NUP98: variants seen among roughly 807,000 people sequenced by gnomAD.
NUP98 encodes the protein nucleoporin 98 and 96 precursor, also known as nuclear pore complex protein Nup98-Nup96.
Under a neutral mutation model 191.9 loss-of-function variants are expected in NUP98, and 26 were observed. That is an observed-to-expected ratio of 0.14 (90% CI 0.10 to 0.19). The LOEUF is 0.19. Among genes scored for constraint, NUP98 ranks in the 10% least tolerant of loss-of-function variants. NUP98 has a pLI of 1.00. For synonymous variants in NUP98, 808 were observed against 778.4 expected, an observed-to-expected ratio of 1.04 and a Z score of -0.63; for missense variants, 1,941 against 2,178.8, an observed-to-expected ratio of 0.89 and a Z score of 2.17.
intron 25 of NUP98, among the ~76,000 whole-genome samples, chr11:3,698,047 T>A (rs1033941769): frequency 2.6e-5 from 4 of 152,080 alleles, no homozygotes; most frequent in Non-Finnish European, 5.9e-5. Context: ...TTTATAGTTT[T>A]AAAAAAAGTC....
At chr11:3,679,325 G>C (rs976911959) in intron 31 of NUP98, 5 of 627,372 alleles carry the variant, frequency 8.0e-6, no homozygotes, top group Admixed American at 2.1e-5. Flanking sequence ...CAAGCCTCAG[G>C]AATGTCTATT....
chr11:3,750,997 A>G (rs1589875777), intron 11 of NUP98, among the ~76,000 whole-genome samples: 3 of 152,142 alleles, frequency 2.0e-5, no homozygotes, highest in South Asian at 4.1e-4. Flanking sequence ...TATATTAATT[A>G]TAACCAACTA....
intron 1 of NUP98, among the ~76,000 whole-genome samples, chr11:3,796,890 T>C (rs2082642727): frequency 6.6e-6 from 1 of 152,368 alleles, no homozygotes; most frequent in African/African-American, 2.4e-5. Context: ...AAAGAACCTT[T>C]TGCTCCACCG....
chr11:3,693,811 C>T (rs189455044), intron 26 of NUP98, among the ~76,000 whole-genome samples: 1 of 152,252 alleles, frequency 6.6e-6, no homozygotes, highest in East Asian at 1.9e-4. Flanking sequence ...TAAGTGCTGA[C>T]CAGCTACATT....
At chr11:3,722,998 A>AG (rs904745140) in intron 16 of NUP98, among the ~76,000 whole-genome samples, 159 bp downstream of exon 16, 1 of 152,174 alleles carries the variant, frequency 6.6e-6, no homozygotes, top group Non-Finnish European at 1.5e-5. Context: ...AATCAACTAA[A>AG]GCATAAAACT....
intron 27 of NUP98, among the ~76,000 whole-genome samples, chr11:3,692,702 A>G (rs1040907601): frequency 1.3e-5 from 2 of 152,238 alleles, no homozygotes; most frequent in Non-Finnish European, 2.9e-5. Flanking sequence ...TAAAGATTTC[A>G]GGTAGCTATC....
At chr11:3,707,831 T>G (rs988583364) in intron 20 of NUP98, among the ~76,000 whole-genome samples, 3 of 150,114 alleles carry the variant, frequency 2.0e-5, no homozygotes, top group African/African-American at 7.4e-5. Flanking sequence ...CTGGTCATGG[T>G]GGCTCACACC....
At chr11:3,705,507 C>T in intron 21 of NUP98, 151 bp from the exon 22 acceptor site, 1 of 695,706 alleles carries the variant, frequency 1.4e-6, no homozygotes, top group Non-Finnish European at 2.4e-6. Flanking sequence ...GACCCCATTA[C>T]ACTGTGTGTG....
rs181043777 is a variant in NUP98, at chr11:3,785,418, T to A, written c.-28-3273A>T. On this transcript the variant is annotated intron_variant, in intron 1 of 32. Coordinates refer to ENST00000324932, the MANE Select transcript of NUP98 (RefSeq NM_016320.5). ...TTCCTGTGGGTTTTCAGTTTGTGAC[T>A]ACTGACATAATCAGAGAAAGAACAT... 3.2e-3 allele frequency among the ~76,000 whole-genome samples: 489 copies of A among 152,272 alleles called. 2 individuals carry two copies. The highest frequency in any genetic ancestry group is 0.011 in the African/African-American group (461 of 41,552).
chr11:3,710,005 A>G (rs574754173), intron 20 of NUP98, among the ~76,000 whole-genome samples: 10 of 136,950 alleles, frequency 7.3e-5, no homozygotes, highest in African/African-American at 2.2e-4. Context: ...TTACAAAAAA[A>G]AAAAAAAAGG....
rs1430761234 is a variant in NUP98, at chr11:3,700,700, G to A, written c.3652C>T (p.Pro1218Ser). The A allele has an allele frequency of 1.2e-6, 2 of 1,614,148 alleles. No homozygotes were observed. Among genetic ancestry groups the A allele is most frequent in the Non-Finnish European group, 8.5e-7 (1 of 1,179,968 alleles). Residue 1218 changes from proline to serine, a missense_variant, in exon 24 of 33, where the codon CCT (proline) becomes TCT (serine). Around this residue, in one of 6 missense-constraint regions of NUP98, gnomAD observed 1,030 missense variants for 1,115.8 expected, o/e 0.92. Coordinates refer to ENST00000324932, the MANE Select transcript of NUP98 (RefSeq NM_016320.5). ...HSTVHVDELC[P>S]LIVPNLGVAV... Reference sequence around the variant, plus strand: ...ACTCCCAGATTGGGGACAATGAGAGGACACAGTTCATCCACATGGACAGTG... The same window carrying A: ...ACTCCCAGATTGGGGACAATGAGAGAACACAGTTCATCCACATGGACAGTG...
rs551681793 is a variant in NUP98, at chr11:3,768,408, G to A, written c.948+173C>T. On this transcript the variant is annotated intron_variant, in intron 8 of 32. Coordinates refer to ENST00000324932, the MANE Select transcript of NUP98 (RefSeq NM_016320.5). ...TGCACTACAGCCTGGGTGACAGAGC[G>A]AGACTCCATCTCAAAAAAAAAAAAA... is the stretch of plus-strand genomic sequence containing the variant. 4.1e-5 allele frequency among the ~76,000 whole-genome samples: 6 copies of A among 146,296 alleles called. No individual in the cohort carries two copies. The South Asian group carries it at 1.1e-3, about 26-fold the overall frequency.
chr11:3,789,666 C>T (rs1394918045), intron 1 of NUP98, among the ~76,000 whole-genome samples: 2 of 151,956 alleles, frequency 1.3e-5, no homozygotes, highest in African/African-American at 4.8e-5. Context: ...CAGGCATGTG[C>T]CACTATGTTG....
At position 3,676,489 on chromosome 11, in the gene NUP98, T is replaced by TCC; in HGVS notation, c.5185+19_5185+20insGG. 1.0e-5 allele frequency: 16 copies of TCC among 1,606,746 alleles called. No homozygotes were observed. Among genetic ancestry groups the TCC allele is most frequent in the Non-Finnish European group, 1.4e-5 (16 of 1,173,920 alleles). Reference sequence around the variant, plus strand: ...ACAGGAAGCAAGAAGGCAGAAAGAGTGAGGAGGTTAGAGGCTTACCTGACT... The same window carrying TCC: ...ACAGGAAGCAAGAAGGCAGAAAGAGTCCGAGGAGGTTAGAGGCTTACCTGACT... On this transcript the variant is annotated intron_variant, in intron 32 of 32. Coordinates refer to ENST00000324932, the MANE Select transcript of NUP98 (RefSeq NM_016320.5).
In NUP98 at chr11:3,773,620, T is replaced by A; in HGVS notation, c.603+12A>T. 6.8e-7 allele frequency: 1 copy of A among 1,471,358 alleles called. No individual in the cohort carries two copies. The highest frequency in any genetic ancestry group is 9.5e-7 in the Non-Finnish European group (1 of 1,057,568). The allele number at this position is 1,471,358 out of a possible 1,614,324, so 91.1% of individuals were successfully genotyped here. Reference sequence around the variant, plus strand: ...AAGGTTAGACTGACATTCTGTATTGTATTTTACTGACCTCTAGTGACTTGC... The same window carrying A: ...AAGGTTAGACTGACATTCTGTATTGAATTTTACTGACCTCTAGTGACTTGC... On this transcript the variant is annotated intron_variant, in intron 6 of 32. Transcript: ENST00000324932.
intron 20 of NUP98, 148 bp downstream of exon 20, chr11:3,712,416 C>A (rs1445247035): frequency 7.0e-7 from 1 of 1,435,612 alleles, no homozygotes; most frequent in Admixed American, 2.9e-5. Flanking sequence ...ACCTCACGCC[C>A]TCCCTTGCAC....
At chr11:3,772,812 C>CA (rs35653017) in intron 6 of NUP98, among the ~76,000 whole-genome samples, 42,887 of 133,810 alleles carry the variant, frequency 0.32, 8,035 homozygotes, top group African/African-American at 0.53. Flanking sequence ...AGACTCGTCT[C>CA]AAAAAAAAAA....
rs1474091314 is a variant in NUP98 at position 3,675,048 on chromosome 11, A to G, written c.*1111T>C. 1 of 174,388 alleles carries G rather than the reference A, an allele frequency of 5.7e-6. No individual in the cohort carries two copies. The highest frequency in any genetic ancestry group is 2.4e-5 in the African/African-American group (1 of 42,124). 10.8% of individuals were successfully genotyped at this position (174,388 alleles called of 1,614,324 possible). A position where few individuals can be genotyped will look rare whatever the true frequency, so the allele number is the denominator to read the frequency against. On this transcript the variant is annotated 3_prime_UTR_variant, in exon 33 of 33. Transcript: ENST00000324932. ...ATAAACATTTTATTTATTTTTTAAG[A>G]AAGTAGCTTCAGAAAAAGAGGAAAA...
intron 12 of NUP98, among the ~76,000 whole-genome samples, chr11:3,742,854 C>G (rs187303887): frequency 1.7e-3 from 265 of 152,110 alleles, no homozygotes; most frequent in South Asian, 0.012. Context: ...CTTAAATTTG[C>G]AAAGGTTTCT....
Sources: allele counts gnomAD v4.1 joint callset (sites outside exome capture counted in the v4.1 genomes callset), GRCh38; gene constraint gnomAD v4.1.1; regional missense constraint gnomAD v4.1.1; transcripts MANE v1.5; gene names NCBI Gene and HGNC (gene_info 2026-07-23, HGNC 2026-07-21).